ADGRE3: variants seen among roughly 807,000 people sequenced by gnomAD.
ADGRE3 encodes adhesion G protein-coupled receptor E3.
Under a neutral mutation model 80.1 loss-of-function variants are expected in ADGRE3, and 88 were observed. That is an observed-to-expected ratio of 1.10 (90% CI 0.93 to 1.31). The LOEUF is 1.31. Ranked by LOEUF, ADGRE3 falls within the 40% of genes most tolerant of loss-of-function variation. The pLI, the probability that ADGRE3 is intolerant of heterozygous loss-of-function variation, is 0.00. For missense variants in ADGRE3, 715 were observed against 776.5 expected, an observed-to-expected ratio of 0.92 and a Z score of 0.94; for synonymous variants, 281 against 294.8, an observed-to-expected ratio of 0.95 and a Z score of 0.48.
At chr19:14,602,336 C>A in the ADGRE3 span, among the ~76,000 whole-genome samples, 1 of 152,154 alleles carries the variant, frequency 6.6e-6, no homozygotes, top group African/African-American at 2.4e-5. Context: ...GTCACCCAGG[C>A]TGGAGTGCAG....
At chr19:14,601,588 T>C in the ADGRE3 span, among the ~76,000 whole-genome samples, 4 of 152,214 alleles carry the variant, frequency 2.6e-5, no homozygotes, top group Admixed American at 6.5e-5. Context: ...GTCTTGACCA[T>C]AGACATAGGA....
chr19:14,647,202 C>A lies in ADGRE3; in HGVS notation c.861G>T (p.Thr287=), dbSNP rs1219735629. ...KRNVSLSKSV[T]LTFQHVKMTP... is the part of the protein sequence containing the mutation. ...CCACCTTCACGTGCTGGAAAGTCAG[C>A]GTCACAGACTTGGAGAGAGACACGT... The change falls in exon 8 of 16, where the codon ACG becomes ACT. Residue 287 remains threonine (T), a synonymous_variant. Transcript: ENST00000253673. The A allele has an allele frequency of 6.2e-7, 1 of 1,613,652 alleles. No individual in the cohort carries two copies. Among genetic ancestry groups the A allele is most frequent in the Non-Finnish European group, 8.5e-7 (1 of 1,179,822 alleles).
chr19:14,610,079 G>A, the ADGRE3 span: 42 of 1,613,392 alleles, frequency 2.6e-5, no homozygotes, highest in African/African-American at 6.7e-5. Context: ...GGGAGCCAGA[G>A]GAACCCAATA....
downstream of ADGRE3, among the ~76,000 whole-genome samples, chr19:14,614,887 A>AC (rs2075066464): frequency 7.1e-6 from 1 of 141,636 alleles, no homozygotes; most frequent in South Asian, 2.2e-4. Context: ...CCCGGCCCCC[A>AC]TTTTTTTTTT....
At position 14,644,173 on chromosome 19, in the gene ADGRE3, T is replaced by G. The variant is rs1312637470; in HGVS notation, c.985A>C (p.Ser329Arg). The G allele has an allele frequency of 6.2e-7, 1 of 1,608,950 alleles. No homozygotes were observed. The highest frequency in any genetic ancestry group is 1.3e-5 in the African/African-American group (1 of 74,532). The change falls in exon 9 of 16, where the codon AGT (serine) becomes CGT (arginine). Residue 329 changes from serine to arginine, a missense_variant. By Grantham distance (110) the Ser-to-Arg change is moderately radical. Transcript: ENST00000253673. The stretch of plus-strand genomic sequence containing the variant: ...TGACTGCAATTACACATGGTGTGAC[T>G]CTTGTTCACGTGTATCAGGAAGCAG... ...DGCFLIHVNK[S>R]HTMCNCSHLS...
At chr19:14,617,372 TTCTTCC>T (rs1344700853), downstream of ADGRE3, among the ~76,000 whole-genome samples, 13 of 111,220 alleles carry the variant, frequency 1.2e-4, no homozygotes, top group Admixed American at 3.8e-4. Flanking sequence ...CTTTCTTTCT[TTCTTCC>T]TTTCTTTCTT....
Position 14,647,314 on chromosome 19 carries a change from T to TTTATGATGTTTCCAAGAGA in ADGRE3, c.730_748dup (p.Asn250IlefsTer12). On this transcript the variant is annotated frameshift_variant, in exon 8 of 16. Transcript: ENST00000253673. LOFTEE classifies it high-confidence loss of function. ...ATCCATCTCTTCAAAAAAAGTTGCA[T>TTTATGATGTTTCCAAGAGA]TTATGATGTTTCCAAGAGAAGAATA... 6.2e-7 allele frequency: 1 copy of TTTATGATGTTTCCAAGAGA among 1,612,854 alleles called. No homozygotes were observed. Among genetic ancestry groups the TTTATGATGTTTCCAAGAGA allele is most frequent in the Non-Finnish European group, 8.5e-7 (1 of 1,178,904 alleles).
the ADGRE3 span, among the ~76,000 whole-genome samples, chr19:14,606,374 CAAA>C: frequency 1.7e-4 from 16 of 94,688 alleles, no homozygotes; most frequent in Admixed American, 5.6e-4. Context: ...GACCCTGTCT[CAAA>C]AAAAAAAAAA....
intron 14 of ADGRE3, among the ~76,000 whole-genome samples, chr19:14,627,182 A>T (rs1297749754): frequency 6.6e-6 from 1 of 151,986 alleles, no homozygotes; most frequent in African/African-American, 2.4e-5. Flanking sequence ...GCCAGTAGAA[A>T]CCCCCACCCC....
intron 11 of ADGRE3, 27 bp downstream of exon 11, chr19:14,638,078 A>G (rs1040280654): frequency 1.9e-6 from 3 of 1,555,864 alleles, no homozygotes; most frequent in Admixed American, 1.7e-5. Flanking sequence ...GAAACTGTCC[A>G]TGACACAAGG....
rs776186924 is a variant in ADGRE3, at chr19:14,632,891, G to A, written c.1643+30C>T. The A allele has an allele frequency of 3.5e-6, 5 of 1,439,554 alleles. No homozygotes were observed. The African/African-American group carries it at 5.6e-5, about 16-fold the overall frequency. The allele number at this position is 1,439,554 out of a possible 1,614,324, so 89.2% of individuals were successfully genotyped here. On this transcript the variant is annotated intron_variant, in intron 13 of 15. Coordinates refer to ENST00000253673, the MANE Select transcript of ADGRE3 (RefSeq NM_032571.5). ...TAGGAAGGACTGGCAGAAGGAAAGG[G>A]AATAGGAAGTACCATTTGTCACATC...
chr19:14,674,702 T>A (rs1972347556), intron 1 of ADGRE3, 44 bp downstream of exon 1: 1 of 1,602,084 alleles, frequency 6.2e-7, no homozygotes, highest in Non-Finnish European at 8.5e-7. Flanking sequence ...GGTCCCTGAC[T>A]GGGGGATAGG....
intron 9 of ADGRE3, among the ~76,000 whole-genome samples, chr19:14,643,150 T>G (rs1230829126): frequency 1.1e-5 from 1 of 94,328 alleles, no homozygotes; most frequent in Non-Finnish European, 2.2e-5. Flanking sequence ...CATGGTTTTT[T>G]TTTTTTTTTT....
chr19:14,635,309 T>C (rs1398270148), intron 11 of ADGRE3, among the ~76,000 whole-genome samples: 1 of 152,074 alleles, frequency 6.6e-6, no homozygotes, highest in Non-Finnish European at 1.5e-5. Flanking sequence ...TTTGCTATGT[T>C]GCCCAGCCTG....
intron 8 of ADGRE3, among the ~76,000 whole-genome samples, chr19:14,645,330 T>C (rs1237471844): frequency 6.6e-6 from 1 of 152,110 alleles, no homozygotes; most frequent in East Asian, 1.9e-4. Context: ...AGAGGCATGA[T>C]ATAGGAAAGA....
At chr19:14,602,468 A>G in the ADGRE3 span, among the ~76,000 whole-genome samples, 2 of 151,534 alleles carry the variant, frequency 1.3e-5, no homozygotes, top group Non-Finnish European at 1.5e-5. Context: ...AATTTTTAAC[A>G]TTTTTTGTAG....
At chr19:14,648,087 C>CAAAAA (rs60371636) in intron 7 of ADGRE3, among the ~76,000 whole-genome samples, 13 of 108,368 alleles carry the variant, frequency 1.2e-4, no homozygotes, top group Admixed American at 6.6e-4. Context: ...ATCTCAAAGA[C>CAAAAA]AAAAAAAAAA....
At chr19:14,612,929 A>AT in the ADGRE3 span, among the ~76,000 whole-genome samples, 9,272 of 120,806 alleles carry the variant, frequency 0.077, 952 homozygotes, top group African/African-American at 0.24. Context: ...CAATCAATTT[A>AT]TTTTTTTTTT....
At chr19:14,665,978 A>ATATATATATATATATATG (rs1568500899) in intron 2 of ADGRE3, among the ~76,000 whole-genome samples, 71 of 128,232 alleles carry the variant, frequency 5.5e-4, no homozygotes, top group African/African-American at 1.9e-3. Flanking sequence ...ATATATATAT[A>ATATATATATATATATATG]GTGTTTTCTT....
Sources: gnomAD v4.1 joint callset for allele counts (sites outside exome capture counted in the v4.1 genomes callset) on GRCh38, gnomAD v4.1.1 for gene constraint, MANE v1.5 for transcripts, NCBI Gene and HGNC (gene_info 2026-07-23, HGNC 2026-07-21) for gene names.